Variants in NALF1 observed in about 807,000 individuals in gnomAD.
The protein encoded by NALF1 is NALCN channel auxiliary factor 1, also known as family with sequence similarity 155 member A.
A neutral mutation model predicts 48.4 loss-of-function variants in NALF1; 3 were observed. That is an observed-to-expected ratio of 0.06 (90% CI 0.03 to 0.16). The LOEUF is 0.16. Ranked by LOEUF, NALF1 falls within the 10% of genes least tolerant of loss-of-function variation. The pLI, the probability that NALF1 is intolerant of heterozygous loss-of-function variation, is 1.00. For missense variants in NALF1, 526 were observed against 571.5 expected (o/e 0.92, Z 0.81); for synonymous variants, 262 against 245.7 (o/e 1.07, Z -0.62).
At chr13:107,172,599 G>A (rs1566440588) in intron 2 of NALF1, among the ~76,000 whole-genome samples, 2 of 152,026 alleles carry the variant, frequency 1.3e-5, no homozygotes, top group Non-Finnish European at 2.9e-5. Flanking sequence ...AAAAAAAACT[G>A]AATTAATGAG....
chr13:107,515,614 C>T (rs1048036731), intron 1 of NALF1, among the ~76,000 whole-genome samples: 2 of 152,132 alleles, frequency 1.3e-5, no homozygotes, highest in African/African-American at 4.8e-5. Context: ...CTAATAATAA[C>T]CAGGTATTCT....
At chr13:107,643,053 C>T (rs749741890) in intron 1 of NALF1, among the ~76,000 whole-genome samples, 9 of 151,966 alleles carry the variant, frequency 5.9e-5, no homozygotes, top group Non-Finnish European at 8.8e-5. Context: ...GAAGAGCAGG[C>T]GTATGTCATC....
At chr13:107,249,937 C>T (rs1328690336) in intron 1 of NALF1, among the ~76,000 whole-genome samples, 6 of 152,126 alleles carry the variant, frequency 3.9e-5, no homozygotes, top group Non-Finnish European at 5.9e-5. Flanking sequence ...TCATTCTCAA[C>T]CATGGTCCTC....
At chr13:107,831,472 G>A (rs569957371) in intron 1 of NALF1, among the ~76,000 whole-genome samples, 1 of 152,158 alleles carries the variant, frequency 6.6e-6, no homozygotes, top group East Asian at 1.9e-4. Context: ...CTTGGGCCCT[G>A]CAGAGTTTCG....
chr13:107,313,702 A>AG (rs1882088803), intron 1 of NALF1, among the ~76,000 whole-genome samples: 1 of 152,142 alleles, frequency 6.6e-6, no homozygotes, highest in African/African-American at 2.4e-5. Context: ...AGCCTGACTA[A>AG]GGCATAAGTG....
chr13:107,810,326 A>G (rs542377139), intron 1 of NALF1, among the ~76,000 whole-genome samples: 2 of 151,990 alleles, frequency 1.3e-5, no homozygotes, highest in African/African-American at 4.8e-5. Flanking sequence ...CTTCTCTGTC[A>G]CTAACAATTT....
intron 1 of NALF1, among the ~76,000 whole-genome samples, chr13:107,801,864 G>C (rs568770615): frequency 4.3e-4 from 66 of 152,140 alleles, no homozygotes; most frequent in African/African-American, 1.5e-3. Flanking sequence ...CACAGCCAGC[G>C]CTGCACCGGT....
intron 1 of NALF1, among the ~76,000 whole-genome samples, chr13:107,339,712 A>G (rs570071956): frequency 2.2e-4 from 33 of 152,270 alleles, no homozygotes; most frequent in Non-Finnish European, 4.1e-4. Flanking sequence ...GAAATTCCAC[A>G]TTTTACTTCC....
At chr13:107,196,854 G>C (rs1289917965) in intron 2 of NALF1, among the ~76,000 whole-genome samples, 1 of 152,120 alleles carries the variant, frequency 6.6e-6, no homozygotes, top group Non-Finnish European at 1.5e-5. Flanking sequence ...GGGTTGGGGG[G>C]AGGTGACCAA....
chr13:107,742,691 T>A (rs1289976836), intron 1 of NALF1, among the ~76,000 whole-genome samples: 1 of 152,180 alleles, frequency 6.6e-6, no homozygotes, highest in Non-Finnish European at 1.5e-5. Context: ...TGGACTAACA[T>A]AAGGTTATTC....
intron 1 of NALF1, among the ~76,000 whole-genome samples, chr13:107,715,669 A>T (rs936995172): frequency 6.6e-6 from 1 of 152,180 alleles, no homozygotes; most frequent in East Asian, 1.9e-4. Flanking sequence ...GTTGCAATGC[A>T]AGGGGAAAAG....
chr13:107,226,539 C>T (rs754688710), intron 1 of NALF1, among the ~76,000 whole-genome samples: 16 of 152,258 alleles, frequency 1.1e-4, no homozygotes, highest in Middle Eastern at 3.4e-3. Flanking sequence ...CATGACAAAA[C>T]ATAAAATCCT....
chr13:107,620,470 G>A (rs1879490897), intron 1 of NALF1, among the ~76,000 whole-genome samples: 1 of 152,188 alleles, frequency 6.6e-6, no homozygotes, highest in Non-Finnish European at 1.5e-5. Flanking sequence ...TCACAAATCT[G>A]ATTCCTAATC....
chr13:107,261,034 G>A (rs1213627714), intron 1 of NALF1, among the ~76,000 whole-genome samples: 1 of 152,184 alleles, frequency 6.6e-6, no homozygotes, highest in Non-Finnish European at 1.5e-5. Context: ...CTTAGGAGAA[G>A]GTCACCTGCC....
intron 1 of NALF1, among the ~76,000 whole-genome samples, chr13:107,403,847 A>G (rs1883856201): frequency 6.6e-6 from 1 of 152,054 alleles, no homozygotes; most frequent in South Asian, 2.1e-4. Flanking sequence ...ATCTCACAGT[A>G]TTGAAAAAGT....
intron 1 of NALF1, among the ~76,000 whole-genome samples, chr13:107,308,280 C>T (rs917547662): frequency 8.2e-5 from 12 of 145,666 alleles, no homozygotes; most frequent in African/African-American, 2.8e-4. Flanking sequence ...CGGCTCACTG[C>T]AAGCTCCGTC....
chr13:107,856,360 T>G lies in NALF1; in HGVS notation c.915+9322A>C, dbSNP rs149700962. 2.0e-5 allele frequency among the ~76,000 whole-genome samples: 3 copies of G among 152,334 alleles called. No individual in the cohort carries two copies. In the East Asian group the frequency reaches 5.8e-4, roughly 29 times the overall value. ...TCTCCTTCCCAGCACCACCATAATG[T>G]TGAGTCCTGCTTTGCTCTAGAGGGT... On this transcript the variant is annotated intron_variant, in intron 1 of 2. Coordinates refer to ENST00000375915, the MANE Select transcript of NALF1 (RefSeq NM_001080396.3).
At chr13:107,672,720 T>C (rs1430580870) in intron 1 of NALF1, among the ~76,000 whole-genome samples, 2 of 152,166 alleles carry the variant, frequency 1.3e-5, no homozygotes, top group Non-Finnish European at 2.9e-5. Flanking sequence ...AGCAATTCTG[T>C]CAATACTTTG....
chr13:107,779,780 T>G (rs1877833741), intron 1 of NALF1, among the ~76,000 whole-genome samples: 1 of 152,174 alleles, frequency 6.6e-6, no homozygotes, highest in Non-Finnish European at 1.5e-5. Context: ...TCCACCTTCT[T>G]CTAAAACCTC....
Sources: gnomAD v4.1 joint callset for allele counts (sites outside exome capture counted in the v4.1 genomes callset) on GRCh38, gnomAD v4.1.1 for gene constraint, MANE v1.5 for transcripts, NCBI Gene and HGNC (gene_info 2026-07-23, HGNC 2026-07-21) for gene names.